Variants in CRYAB observed in about 807,000 individuals in gnomAD.
CRYAB encodes the protein alpha-crystallin B chain.
CRYAB carries 9 observed loss-of-function variants against 12.7 expected under a neutral mutation model. The ratio of observed to expected loss-of-function variants is 0.71; its 90% CI spans 0.43 to 1.24. CRYAB has a LOEUF of 1.24. Among genes scored for constraint, CRYAB ranks in the 50% most tolerant of loss-of-function variants. The probability of loss-of-function intolerance (pLI) is 0.00; values close to 1 mark genes in which losing one functional copy is unlikely to be tolerated. For missense variants in CRYAB, 183 were observed against 226.6 expected, an observed-to-expected ratio of 0.81 and a Z score of 1.24; for synonymous variants, 93 against 86.8, an observed-to-expected ratio of 1.07 and a Z score of -0.40.
chr11:111,919,181 A>T (rs1965646471), intron 1 of CRYAB: 2 of 732,306 alleles, frequency 2.7e-6, no homozygotes, highest in South Asian at 3.6e-5. Flanking sequence ...GCCTTAGAAG[A>T]CAGAGCCAAG....
chr11:111,910,380 C>T lies in CRYAB; in HGVS notation c.271G>A (p.Val91Ile). 1 of 1,614,232 alleles carries T rather than the reference C, an allele frequency of 6.2e-7. No homozygotes were observed. The highest frequency in any genetic ancestry group is 8.5e-7 in the Non-Finnish European group (1 of 1,180,038). The change falls in exon 2 of 3, where the codon GTT becomes ATT. Residue 91 changes from valine (V) to isoleucine (I), a missense_variant. Coordinates refer to ENST00000650687, the MANE Select transcript of CRYAB (RefSeq NM_001289808.2). The part of the protein sequence containing the change: ...VKHFSPEELK[V>I]KVLGDVIEVH... ...TCAATCACATCTCCCAACACCTTAA[C>T]TTTGAGTTCCTCTGGGGAGAAGTGC...
At chr11:111,915,727 C>T (rs1332883249), upstream of CRYAB, among the ~76,000 whole-genome samples, 4 of 152,112 alleles carry the variant, frequency 2.6e-5, no homozygotes, top group African/African-American at 7.2e-5. Context: ...GAACTTCTCA[C>T]GGTAGTCGTT....
chr11:111,917,664 A>G (rs1314761586), upstream of CRYAB, among the ~76,000 whole-genome samples: 2 of 148,444 alleles, frequency 1.3e-5, no homozygotes, highest in African/African-American at 2.5e-5. Context: ...AAAAAAAAAG[A>G]CCTTGTCTCT....
upstream of CRYAB, chr11:111,913,601 A>G: frequency 5.0e-6 from 8 of 1,614,156 alleles, no homozygotes; most frequent in Non-Finnish European, 5.9e-6. Flanking sequence ...ACTTTACCCC[A>G]GACGAGGTGA....
At chr11:111,910,287 C>G (rs782036508) in intron 2 of CRYAB, 40 bp downstream of exon 2, 3 of 1,613,364 alleles carry the variant, frequency 1.9e-6, no homozygotes, top group Non-Finnish European at 2.5e-6. Flanking sequence ...ACAGTATGCA[C>G]TGAATGAATG....
At chr11:111,909,886 G>A (rs1965398364) in intron 2 of CRYAB, 4 of 477,778 alleles carry the variant, frequency 8.4e-6, no homozygotes, top group African/African-American at 1.9e-5. Flanking sequence ...AACCTTGACT[G>A]TAGATTAGAA....
At chr11:111,912,607 G>C (rs1475684745), upstream of CRYAB, 2 of 584,356 alleles carry the variant, frequency 3.4e-6, no homozygotes, top group Non-Finnish European at 3.1e-6. Context: ...AGTGTGCGGG[G>C]GAGGGGACTA....
upstream of CRYAB, chr11:111,913,911 C>A: frequency 1.3e-6 from 2 of 1,583,648 alleles, no homozygotes; most frequent in Non-Finnish European, 1.7e-6. Context: ...ACAGACCCAG[C>A]ACCCAGCAAA....
chr11:111,919,104 C>CGG (rs1210552329), intron 1 of CRYAB: 3 of 1,295,380 alleles, frequency 2.3e-6, no homozygotes, highest in African/African-American at 2.9e-5. Context: ...TGCCAGCCTC[C>CGG]CACTGCCACC....
At chr11:111,913,256 C>T (rs535039999), upstream of CRYAB, 64 of 636,406 alleles carry the variant, frequency 1.0e-4, 1 homozygote, top group South Asian at 1.2e-3. Flanking sequence ...CTTTCCTTTC[C>T]GTTCTCTTTC....
upstream of CRYAB, chr11:111,913,077 A>G: frequency 1.5e-6 from 1 of 647,034 alleles, no homozygotes; most frequent in African/African-American, 1.9e-5. Flanking sequence ...ATCCCCTCCA[A>G]GCAGAGATCT....
upstream of CRYAB, chr11:111,912,513 C>T (rs888993869): frequency 5.3e-5 from 25 of 471,428 alleles, no homozygotes; most frequent in Admixed American, 2.8e-4. Flanking sequence ...TCTTCATGCC[C>T]CAGGCACCAC....
upstream of CRYAB, among the ~76,000 whole-genome samples, chr11:111,917,646 T>G (rs1254719976): frequency 2.0e-5 from 3 of 148,460 alleles, no homozygotes; most frequent in African/African-American, 7.5e-5. Flanking sequence ...TCACATTAAT[T>G]TAAAAAAAAA....
chr11:111,922,557 A>T (rs1555166625), intron 1 of CRYAB, among the ~76,000 whole-genome samples: 2 of 152,194 alleles, frequency 1.3e-5, no homozygotes, highest in African/African-American at 4.8e-5. Flanking sequence ...AAATGTGCAC[A>T]GTTTTTATTC....
At chr11:111,916,057 G>T (rs1309247540), upstream of CRYAB, among the ~76,000 whole-genome samples, 5 of 151,568 alleles carry the variant, frequency 3.3e-5, no homozygotes, top group Admixed American at 1.3e-4. Flanking sequence ...TTTTCTTTTT[G>T]GTCTTAACTG....
At chr11:111,913,173 C>T (rs1452957003), upstream of CRYAB, 17 of 603,100 alleles carry the variant, frequency 2.8e-5, no homozygotes, top group African/African-American at 2.4e-4. Context: ...CCTCCTTGTC[C>T]CCCTTCTATC....
At chr11:111,916,504 T>C (rs1965600106), upstream of CRYAB, among the ~76,000 whole-genome samples, 1 of 152,228 alleles carries the variant, frequency 6.6e-6, no homozygotes, top group Non-Finnish European at 1.5e-5. Context: ...GTTACAGGCG[T>C]GAGCCACCAC....
Position 111,911,512 on chromosome 11 carries a change from G to A in CRYAB, c.201+12C>T. On this transcript the variant is annotated intron_variant, in intron 1 of 2. Coordinates refer to ENST00000650687, the MANE Select transcript of CRYAB (RefSeq NM_001289808.2). ...GTAAGGACTCTCCCGTCCTAGCTGT[G>A]GGGAGACTCACCTCTGAGAGTCCAG... is the stretch of plus-strand genomic sequence containing the variant. 1 of 1,604,104 alleles carries A rather than the reference G, an allele frequency of 6.2e-7. No individual in the cohort carries two copies. Among genetic ancestry groups the A allele is most frequent in the Admixed American group, 1.7e-5 (1 of 58,300 alleles).
Position 111,920,317 on chromosome 11 carries a change from CT to C in CRYAB, c.-199+3385del, listed in dbSNP as rs782017758. ...TTGGGAGGCTGAGGCAGGCAGATGACTTGAGGCCAGGAGTTCAAGACCAGCC... is the reference window on the plus strand; with the variant it reads ...TTGGGAGGCTGAGGCAGGCAGATGACTGAGGCCAGGAGTTCAAGACCAGCC... On this transcript the variant is annotated intron_variant, in intron 1 of 3. Coordinates refer to the CRYAB transcript ENST00000527950. 3.3e-5 allele frequency among the ~76,000 whole-genome samples: 5 copies of C among 152,238 alleles called. No individual in the cohort carries two copies. In the South Asian group the frequency reaches 1.0e-3, roughly 32 times the overall value.
Sources: allele counts gnomAD v4.1 joint callset (sites outside exome capture counted in the v4.1 genomes callset), GRCh38; gene constraint gnomAD v4.1.1; transcripts MANE v1.5; gene names NCBI Gene and HGNC (gene_info 2026-07-23, HGNC 2026-07-21).